Variants in FARS2 observed in about 807,000 individuals in gnomAD.
FARS2 encodes phenylalanine--tRNA ligase, mitochondrial.
In FARS2, 40 loss-of-function variants were observed where a neutral mutation model predicts 46.4. The ratio of observed to expected loss-of-function variants is 0.86; its 90% CI spans 0.67 to 1.12. The LOEUF (loss-of-function observed/expected upper bound fraction) is 1.12. FARS2 is among the 50% of genes most tolerant of loss of function. The pLI is 0.00. For missense variants in FARS2, 513 were observed against 567.9 expected, an observed-to-expected ratio of 0.90 and a Z score of 0.98; for synonymous variants, 234 against 214.9, an observed-to-expected ratio of 1.09 and a Z score of -0.78.
chr6:5,306,922 C>T (rs887249465), intron 1 of FARS2, among the ~76,000 whole-genome samples: 1 of 149,224 alleles, frequency 6.7e-6, no homozygotes, highest in Non-Finnish European at 1.5e-5. Flanking sequence ...CTGATAAATA[C>T]GAATTTGTTC....
intron 3 of FARS2, among the ~76,000 whole-genome samples, chr6:5,415,310 C>CTTTTTTTTT (rs773981175): frequency 5.0e-4 from 27 of 53,592 alleles, no homozygotes; most frequent in South Asian, 7.7e-4. Flanking sequence ...CTTTTCTTTT[C>CTTTTTTTTT]TTTTTTTTTT....
chr6:5,771,064 A>G (rs576665255), intron 6 of FARS2, among the ~76,000 whole-genome samples: 3 of 152,330 alleles, frequency 2.0e-5, no homozygotes, highest in Admixed American at 6.5e-5. Flanking sequence ...ACTTTGATAC[A>G]TCCACCCCAG....
chr6:5,674,824 T>C (rs924512154), intron 6 of FARS2, among the ~76,000 whole-genome samples: 10 of 152,218 alleles, frequency 6.6e-5, no homozygotes, highest in African/African-American at 2.4e-4. Flanking sequence ...TTTGGAACTG[T>C]GGCATTTTGT....
intron 4 of FARS2, among the ~76,000 whole-genome samples, chr6:5,528,069 C>T (rs576215460): frequency 8.5e-5 from 13 of 152,160 alleles, no homozygotes; most frequent in Non-Finnish European, 1.8e-4. Flanking sequence ...ATTCCCTTTA[C>T]GTTTTCAAAA....
chr6:5,588,033 G>T (rs2150595828), intron 5 of FARS2, among the ~76,000 whole-genome samples: 1 of 152,248 alleles, frequency 6.6e-6, no homozygotes, highest in South Asian at 2.1e-4. Flanking sequence ...TCATGGGCTA[G>T]TGGTCCTTTC....
chr6:5,538,104 C>T (rs1770333445), intron 4 of FARS2, among the ~76,000 whole-genome samples: 1 of 146,488 alleles, frequency 6.8e-6, no homozygotes, highest in South Asian at 2.2e-4. Context: ...GTTCTGTACT[C>T]TGGTGACTCT....
chr6:5,318,898 G>C (rs573100013), intron 1 of FARS2, among the ~76,000 whole-genome samples: 1 of 152,158 alleles, frequency 6.6e-6, no homozygotes, highest in Non-Finnish European at 1.5e-5. Flanking sequence ...AAAGGAAGTA[G>C]CCCCTGATAT....
At chr6:5,381,576 T>C (rs917996196) in intron 2 of FARS2, among the ~76,000 whole-genome samples, 7 of 152,336 alleles carry the variant, frequency 4.6e-5, no homozygotes, top group African/African-American at 1.4e-4. Context: ...CTGTAGTAAA[T>C]TGGAAAATCT....
intron 5 of FARS2, among the ~76,000 whole-genome samples, chr6:5,608,890 T>A (rs1403281063): frequency 6.7e-6 from 1 of 149,224 alleles, no homozygotes; most frequent in Non-Finnish European, 1.5e-5. Flanking sequence ...TACAGCACAT[T>A]AAAAAAAAAA....
rs140920602 is a variant in FARS2, at chr6:5,464,913, C to A, written c.904+33741C>A. Among the ~76,000 whole-genome samples, 110 of 152,290 alleles carry A rather than the reference C, an allele frequency of 7.2e-4. 1 individual carries two copies. The highest frequency in any genetic ancestry group is 2.6e-3 in the African/African-American group (108 of 41,568). On this transcript the variant is annotated intron_variant, in intron 4 of 6. Coordinates refer to ENST00000274680, the MANE Select transcript of FARS2 (RefSeq NM_006567.5). ...TACAAAGAGGATGAATTATCTTTTT[C>A]AGTGTCCTTGAAGAGAACAACTAGA...
intron 1 of FARS2, chr6:5,272,466 G>C (rs1766029259): frequency 6.6e-6 from 1 of 152,112 alleles, no homozygotes; most frequent in African/African-American, 2.4e-5. Context: ...TCAGAGAACA[G>C]GCAGAAAAAC....
At chr6:5,266,150 G>T (rs918853476) in intron 1 of FARS2, among the ~76,000 whole-genome samples, 1 of 152,150 alleles carries the variant, frequency 6.6e-6, no homozygotes. Flanking sequence ...TACCTTGAAA[G>T]GATGAAGGAG....
chr6:5,370,402 T>A (rs1276885306), intron 2 of FARS2, among the ~76,000 whole-genome samples: 1 of 152,150 alleles, frequency 6.6e-6, no homozygotes, highest in Non-Finnish European at 1.5e-5. Flanking sequence ...CTGACTATTT[T>A]CCAAGTTAGG....
intron 4 of FARS2, among the ~76,000 whole-genome samples, chr6:5,432,351 T>TATTA (rs1491454941): frequency 4.7e-4 from 20 of 42,326 alleles, no homozygotes; most frequent in East Asian, 1.5e-3. Context: ...TATATATATA[T>TATTA]TATATATATA....
chr6:5,552,079 C>T (rs896890920), intron 5 of FARS2, among the ~76,000 whole-genome samples: 7 of 152,206 alleles, frequency 4.6e-5, no homozygotes, highest in Middle Eastern at 3.4e-3. Context: ...TATCCTATTT[C>T]GTCATGACAG....
chr6:5,632,636 T>TCCC (rs751490637), intron 6 of FARS2, among the ~76,000 whole-genome samples: 1,469 of 78,854 alleles, frequency 0.019, 24 homozygotes, highest in South Asian at 0.043. Context: ...CCTCCCTCCC[T>TCCC]TCTTCCTTCC....
chr6:5,286,281 G>T (rs1767105147), intron 1 of FARS2, among the ~76,000 whole-genome samples: 1 of 151,756 alleles, frequency 6.6e-6, no homozygotes, highest in Non-Finnish European at 1.5e-5. Context: ...CTTTTTTTTG[G>T]AGACAGAGTC....
chr6:5,572,825 G>A (rs527595082), intron 5 of FARS2, among the ~76,000 whole-genome samples: 1 of 152,008 alleles, frequency 6.6e-6, no homozygotes, highest in South Asian at 2.1e-4. Flanking sequence ...CTTAAAGTTT[G>A]GGCACTTCTG....
intron 4 of FARS2, among the ~76,000 whole-genome samples, chr6:5,517,403 A>G (rs1021307782): frequency 2.6e-5 from 4 of 152,174 alleles, no homozygotes; most frequent in Non-Finnish European, 5.9e-5. Context: ...ACTTGAGTTC[A>G]GGAGTTTGAA....
Sources: gnomAD v4.1 joint callset for allele counts (sites outside exome capture counted in the v4.1 genomes callset) on GRCh38, gnomAD v4.1.1 for gene constraint, MANE v1.5 for transcripts, NCBI Gene and HGNC (gene_info 2026-07-23, HGNC 2026-07-21) for gene names.